Variants in GPR137B observed in about 807,000 individuals in gnomAD.
The protein encoded by GPR137B is G protein-coupled receptor 137B.
GPR137B carries 42 observed loss-of-function variants against 42.5 expected under a neutral mutation model. The observed-to-expected ratio is 0.99, with a 90% confidence interval of 0.77 to 1.28. The LOEUF (loss-of-function observed/expected upper bound fraction) is 1.28, where lower values mean the gene tolerates loss of function less well. GPR137B is among the 50% of genes most tolerant of loss of function. The probability of loss-of-function intolerance (pLI) is 0.00; values close to 1 mark genes in which losing one functional copy is unlikely to be tolerated. For synonymous variants in GPR137B, 218 were observed against 209.7 expected, an observed-to-expected ratio of 1.04 and a Z score of -0.34; for missense variants, 487 against 493.9, an observed-to-expected ratio of 0.99 and a Z score of 0.13.
rs1022594917 is a variant in GPR137B at position 236,155,199 on chromosome 1, G to A, written c.414+12163G>A. On this transcript the variant is annotated intron_variant, in intron 1 of 6. Transcript: ENST00000366592. The surrounding 1 kb of genome is among the most constrained non-coding windows in gnomAD (Gnocchi z 4.6). ...CTTCTGTGGCTGAAGCGGCCGGGCCGCAGCTATTCCTGCGGGGCTTCCAGG... is the reference window on the plus strand; with the variant it reads ...CTTCTGTGGCTGAAGCGGCCGGGCCACAGCTATTCCTGCGGGGCTTCCAGG... 1.3e-5 allele frequency among the ~76,000 whole-genome samples: 2 copies of A among 152,244 alleles called. No individual in the cohort carries two copies. The highest frequency in any genetic ancestry group is 4.8e-5 in the African/African-American group (2 of 41,464).
chr1:236,161,068 G>A (rs1436140408), intron 1 of GPR137B, among the ~76,000 whole-genome samples: 1 of 151,886 alleles, frequency 6.6e-6, no homozygotes, highest in African/African-American at 2.4e-5. Flanking sequence ...CCTCTTAGTG[G>A]TCACCCTCCA....
At chr1:236,168,654 G>A in intron 1 of GPR137B, 52 bp from the exon 2 acceptor site, 1 of 1,385,462 alleles carries the variant, frequency 7.2e-7, no homozygotes, top group African/African-American at 1.4e-5. Context: ...GTATCAGTCT[G>A]GTTCTGTCAA....
intron 1 of GPR137B, among the ~76,000 whole-genome samples, chr1:236,164,760 A>G (rs888355918): frequency 1.3e-5 from 2 of 152,206 alleles, no homozygotes; most frequent in Non-Finnish European, 2.9e-5. Flanking sequence ...AAGTACATAT[A>G]TATATAATTT....
In GPR137B at chr1:236,148,896, A is replaced by G. The variant is rs151182817; in HGVS notation, c.414+5860A>G. ...GGGTTCCAATCCGGGCTTTGCCTCC[A>G]GTGTGGGTCCCATGGCTGGTTACCA... On this transcript the variant is annotated intron_variant, in intron 1 of 6. Coordinates refer to ENST00000366592, the MANE Select transcript of GPR137B (RefSeq NM_003272.4). 7.2e-5 allele frequency among the ~76,000 whole-genome samples: 11 copies of G among 152,320 alleles called. No homozygotes were observed. The East Asian group carries it at 1.7e-3, about 24-fold the overall frequency.
Position 236,171,357 on chromosome 1 carries a change from A to G in GPR137B, c.464+2602A>G, listed in dbSNP as rs546108807. 2.0e-5 allele frequency among the ~76,000 whole-genome samples: 3 copies of G among 152,212 alleles called. No individual in the cohort carries two copies. The highest frequency in any genetic ancestry group is 7.2e-5 in the African/African-American group (3 of 41,462). ...ATAGTAGCCTCTCCTCTGCATCTATAGTCTTTGCCCTGCATCCCCCCAGCC... is the reference window on the plus strand; with the variant it reads ...ATAGTAGCCTCTCCTCTGCATCTATGGTCTTTGCCCTGCATCCCCCCAGCC... On this transcript the variant is annotated intron_variant, in intron 2 of 6. Coordinates refer to ENST00000366592, the MANE Select transcript of GPR137B (RefSeq NM_003272.4). This position sits in a 1 kb window ranked among gnomAD's most constrained non-coding sequence, Gnocchi z 4.4.
At chr1:236,203,697 A>C (rs1310109792) in intron 5 of GPR137B, among the ~76,000 whole-genome samples, 2 of 151,940 alleles carry the variant, frequency 1.3e-5, no homozygotes, top group Admixed American at 6.6e-5. Flanking sequence ...AGTTTCTTTA[A>C]ATGTTTTATA....
At chr1:236,205,063 T>G (rs1014294402) in intron 5 of GPR137B, 63 bp from the exon 6 acceptor site, 1 of 1,407,086 alleles carries the variant, frequency 7.1e-7, no homozygotes, top group African/African-American at 1.4e-5. Flanking sequence ...AAAGAGATCT[T>G]ATTTTTGTCT....
rs1323244167 is a variant in GPR137B, at chr1:236,208,702, G to A, written c.*544G>A. 1.0e-6 allele frequency: 1 copy of A among 985,124 alleles called. No individual in the cohort carries two copies. The highest frequency in any genetic ancestry group is 1.2e-6 in the Non-Finnish European group (1 of 829,524). 61.0% of individuals were successfully genotyped at this position (985,124 alleles called of 1,614,324 possible). ...CAACTCCAGTGTTGATAATTAAAATGAAATGGTAAAGCAGCAGACTGTAAG... is the reference window on the plus strand; with the variant it reads ...CAACTCCAGTGTTGATAATTAAAATAAAATGGTAAAGCAGCAGACTGTAAG... On this transcript the variant is annotated 3_prime_UTR_variant, in exon 7 of 7. Transcript: ENST00000366592.
At position 236,206,748 on chromosome 1, in the gene GPR137B, C is replaced by G. The variant is rs546393787; in HGVS notation, c.1092-1302C>G. 1.3e-4 allele frequency among the ~76,000 whole-genome samples: 20 copies of G among 152,320 alleles called. 1 individual carries two copies. The South Asian group carries it at 3.9e-3, about 30-fold the overall frequency. On this transcript the variant is annotated intron_variant, in intron 6 of 6. Coordinates refer to ENST00000366592, the MANE Select transcript of GPR137B (RefSeq NM_003272.4). ...TGCTATTGGGATTCCCTTCCCTTTT[C>G]CTCAGCCTGCTGTGCTCAGCCATAC...
At chr1:236,205,706 A>T (rs949526177) in intron 6 of GPR137B, among the ~76,000 whole-genome samples, 1 of 152,088 alleles carries the variant, frequency 6.6e-6, no homozygotes, top group Non-Finnish European at 1.5e-5. Context: ...GCACCCAGCA[A>T]ATTTTTTTAT....
intron 4 of GPR137B, among the ~76,000 whole-genome samples, chr1:236,181,438 A>G (rs1037666722): frequency 6.6e-6 from 1 of 152,192 alleles, no homozygotes; most frequent in African/African-American, 2.4e-5. Flanking sequence ...TCCACTAAGG[A>G]AAAGAGACAC....
chr1:236,166,081 A>G (rs1367027493), intron 1 of GPR137B, among the ~76,000 whole-genome samples: 4 of 152,222 alleles, frequency 2.6e-5, no homozygotes, highest in Non-Finnish European at 4.4e-5. Flanking sequence ...AGATTTTTAT[A>G]TTGAACGGGT....
At chr1:236,174,061 T>C (rs1435727586) in intron 2 of GPR137B, among the ~76,000 whole-genome samples, 2 of 152,204 alleles carry the variant, frequency 1.3e-5, no homozygotes, top group South Asian at 2.1e-4. Flanking sequence ...AATACAATGA[T>C]GTATTCCATT....
intron 1 of GPR137B, among the ~76,000 whole-genome samples, chr1:236,145,101 C>T (rs1443946042): frequency 6.6e-6 from 1 of 152,222 alleles, no homozygotes; most frequent in Non-Finnish European, 1.5e-5. Flanking sequence ...GGGTGGCTGG[C>T]TGGAGAAGGT....
chr1:236,173,302 A>G (rs1571983519), intron 2 of GPR137B, among the ~76,000 whole-genome samples: 1 of 151,148 alleles, frequency 6.6e-6, no homozygotes, highest in East Asian at 2.0e-4. Context: ...AAAAAAAAAA[A>G]AAAGAAGAAA....
chr1:236,196,632 C>T (rs1367126396), intron 5 of GPR137B, among the ~76,000 whole-genome samples: 1 of 152,078 alleles, frequency 6.6e-6, no homozygotes, highest in East Asian at 1.9e-4. Flanking sequence ...CCCCCAGGTC[C>T]CCAATTCCAT....
Position 236,156,350 on chromosome 1 carries a change from T to A in GPR137B, c.415-12356T>A, listed in dbSNP as rs1021209817. ...GCCTGGGACACAGACCAGGCACACC[T>A]TGGCTTCAGGCCACCGCCTCCCAGA... On this transcript the variant is annotated intron_variant, in intron 1 of 6. Coordinates refer to ENST00000366592, the MANE Select transcript of GPR137B (RefSeq NM_003272.4). The surrounding 1 kb of genome is among the most constrained non-coding windows in gnomAD (Gnocchi z 4.8). Among the ~76,000 whole-genome samples the A allele has an allele frequency of 4.6e-5, 7 of 152,186 alleles. No individual in the cohort carries two copies. The highest frequency in any genetic ancestry group is 1.7e-4 in the African/African-American group (7 of 41,466).
At position 236,183,947 on chromosome 1, in the gene GPR137B, A is replaced by T. The variant is rs190541672; in HGVS notation, c.966+41A>T. On this transcript the variant is annotated intron_variant, in intron 5 of 6. Coordinates refer to ENST00000366592, the MANE Select transcript of GPR137B (RefSeq NM_003272.4). ...TACATTTGTAAGAAAATGTCTCCTAATTCTGATCATGGAACCTGCAATTAG... is the reference window on the plus strand; with the variant it reads ...TACATTTGTAAGAAAATGTCTCCTATTTCTGATCATGGAACCTGCAATTAG... The T allele has an allele frequency of 1.4e-5, 20 of 1,437,724 alleles. No individual in the cohort carries two copies. The East Asian group carries it at 4.4e-4, about 32-fold the overall frequency. 89.1% of individuals were successfully genotyped at this position (1,437,724 alleles called of 1,614,324 possible).
At chr1:236,200,635 A>G (rs1002402290) in intron 5 of GPR137B, among the ~76,000 whole-genome samples, 1 of 151,954 alleles carries the variant, frequency 6.6e-6, no homozygotes, top group South Asian at 2.1e-4. Context: ...TTTAAAGTCT[A>G]TTTTGTCTGA....
Sources: gnomAD v4.1 joint callset for allele counts (sites outside exome capture counted in the v4.1 genomes callset) on GRCh38, gnomAD v4.1.1 for gene constraint, Gnocchi (gnomAD v3.1) non-coding constraint, MANE v1.5 for transcripts, NCBI Gene and HGNC (gene_info 2026-07-23, HGNC 2026-07-21) for gene names.